IGF2BP3: variants seen among roughly 807,000 people sequenced by gnomAD.
IGF2BP3 encodes insulin-like growth factor 2 mRNA-binding protein 3.
Under a neutral mutation model 73.8 loss-of-function variants are expected in IGF2BP3, and 9 were observed. The observed-to-expected ratio is 0.12, with a 90% CI of 0.07 to 0.21. IGF2BP3 has a LOEUF of 0.21. Among genes scored for constraint, IGF2BP3 ranks in the 10% least tolerant of loss-of-function variants. The pLI, the probability that IGF2BP3 is intolerant of heterozygous loss-of-function variation, is 1.00. For missense variants in IGF2BP3, 542 were observed against 714.0 expected, an observed-to-expected ratio of 0.76 and a Z score of 2.75; for synonymous variants, 258 against 256.7, an observed-to-expected ratio of 1.01 and a Z score of -0.05.
At chr7:23,409,799 G>C (rs1355540446) in intron 3 of IGF2BP3, among the ~76,000 whole-genome samples, 1 of 152,176 alleles carries the variant, frequency 6.6e-6, no homozygotes, top group African/African-American at 2.4e-5. Context: ...TAGGCAAAAA[G>C]TTTTTAGACA....
intron 3 of IGF2BP3, chr7:23,415,301 C>T: frequency 8.1e-6 from 2 of 245,798 alleles, no homozygotes; most frequent in South Asian, 7.3e-5. Flanking sequence ...TCAGCATCAC[C>T]ACATCCGCAG....
At chr7:23,453,462 T>A (rs1212383037) in intron 2 of IGF2BP3, among the ~76,000 whole-genome samples, 4 of 152,228 alleles carry the variant, frequency 2.6e-5, no homozygotes, top group Non-Finnish European at 5.9e-5. Flanking sequence ...CTAAGAATTC[T>A]GTGTTTTACA....
rs546247748 is a variant in IGF2BP3 at position 23,336,796 on chromosome 7, A to AT, written c.1203+5267_1203+5268insA. Among the ~76,000 whole-genome samples, 72 of 152,286 alleles carry AT rather than the reference A, an allele frequency of 4.7e-4. 1 individual carries two copies. Among genetic ancestry groups the AT allele is most frequent in the African/African-American group, 1.5e-3 (62 of 41,556 alleles). On this transcript the variant is annotated intron_variant, in intron 10 of 14. Transcript: ENST00000258729. Reference sequence around the variant, plus strand: ...AACCCTGTCTCTAATAAAAATACAAAAATTAACCAGGCATGGTGCTGCGCA... The same window carrying AT: ...AACCCTGTCTCTAATAAAAATACAAATAATTAACCAGGCATGGTGCTGCGCA...
At chr7:23,435,078 G>A (rs539639694) in intron 2 of IGF2BP3, among the ~76,000 whole-genome samples, 4 of 151,890 alleles carry the variant, frequency 2.6e-5, no homozygotes, top group Admixed American at 6.6e-5. Flanking sequence ...GGTGGATCAC[G>A]AGGTCAGGAG....
chr7:23,444,140 G>T (rs1788002255), intron 2 of IGF2BP3, among the ~76,000 whole-genome samples: 1 of 152,102 alleles, frequency 6.6e-6, no homozygotes, highest in African/African-American at 2.4e-5. Context: ...GAGGTTTGGG[G>T]GTTTTGTTCT....
At chr7:23,374,756 C>T (rs1178878800) in intron 3 of IGF2BP3, among the ~76,000 whole-genome samples, 3 of 151,970 alleles carry the variant, frequency 2.0e-5, no homozygotes, top group Non-Finnish European at 2.9e-5. Context: ...AATTCACCCC[C>T]GATATTTCAC....
At chr7:23,400,050 G>C (rs767714467) in intron 3 of IGF2BP3, among the ~76,000 whole-genome samples, 2 of 152,124 alleles carry the variant, frequency 1.3e-5, no homozygotes, top group Non-Finnish European at 2.9e-5. Context: ...GGTATAAAAA[G>C]TTTGCATCCT....
chr7:23,325,379 C>T (rs1008479720), intron 10 of IGF2BP3, among the ~76,000 whole-genome samples: 11 of 152,080 alleles, frequency 7.2e-5, no homozygotes, highest in Admixed American at 7.2e-4. Context: ...TGTGACGGAC[C>T]TCTTCAAGGA....
Position 23,342,121 on chromosome 7 carries a change from C to G in IGF2BP3, c.1146G>C (p.Met382Ile), listed in dbSNP as rs1309817650. ...AAGGGGGCCCTGAGGTGGGAGGTGG[C>G]ATCCCTGAAGTGGGTGGGAACAGAC... ...ALGLFPPTSGMPPPTSGPPSA... is the reference protein window; with the variant it reads ...ALGLFPPTSGIPPPTSGPPSA... The change falls in exon 10 of 15, where the codon ATG (methionine) becomes ATC (isoleucine). Residue 382 changes from methionine to isoleucine, a missense_variant. Physicochemically the swap from Met to Ile is conservative, Grantham distance 10. Transcript: ENST00000258729. The G allele has an allele frequency of 6.2e-7, 1 of 1,609,666 alleles. No homozygotes were observed. Among genetic ancestry groups the G allele is most frequent in the Non-Finnish European group, 8.5e-7 (1 of 1,178,664 alleles).
intron 3 of IGF2BP3, chr7:23,415,173 CCGT>C (rs1787148592): frequency 4.3e-6 from 1 of 235,122 alleles, no homozygotes; most frequent in Non-Finnish European, 8.5e-6. Context: ...TCAGCAGGTC[CCGT>C]CCGTCAGTCG....
chr7:23,367,612 CAAAGT>C (rs1483274414), intron 3 of IGF2BP3, among the ~76,000 whole-genome samples: 1 of 151,986 alleles, frequency 6.6e-6, no homozygotes, highest in Admixed American at 6.6e-5. Context: ...GGTATAAATG[CAAAGT>C]AAAGCCTCAT....
intron 3 of IGF2BP3, among the ~76,000 whole-genome samples, chr7:23,383,561 T>C (rs1234809049): frequency 6.6e-6 from 1 of 152,336 alleles, no homozygotes; most frequent in African/African-American, 2.4e-5. Context: ...CCACTTTGGA[T>C]AACAGTCTGG....
chr7:23,386,638 A>G (rs1786091493), intron 3 of IGF2BP3, among the ~76,000 whole-genome samples: 1 of 152,258 alleles, frequency 6.6e-6, no homozygotes, highest in Non-Finnish European at 1.5e-5. Context: ...GAAATTCCAA[A>G]TAATTTATGT....
chr7:23,384,995 T>C (rs2128518811), intron 3 of IGF2BP3, among the ~76,000 whole-genome samples: 1 of 152,356 alleles, frequency 6.6e-6, no homozygotes, highest in Admixed American at 6.5e-5. Context: ...ATCAGGACCA[T>C]AACCCCATTA....
At chr7:23,342,290 A>C (rs1281767979) in intron 9 of IGF2BP3, 101 bp from the exon 10 acceptor site, 29 of 1,299,354 alleles carry the variant, frequency 2.2e-5, no homozygotes, top group Non-Finnish European at 3.0e-5. Context: ...TGTCTAATAA[A>C]GAAATGATTG....
rs771910177 is a variant in IGF2BP3 at position 23,468,516 on chromosome 7, T to C, written c.202A>G (p.Ile68Val). 6.8e-5 allele frequency: 110 copies of C among 1,614,118 alleles called. No individual in the cohort carries two copies. Among genetic ancestry groups the C allele is most frequent in the Non-Finnish European group, 8.7e-5 (103 of 1,180,042 alleles). Residue 68 changes from isoleucine to valine, a missense_variant, in exon 2 of 15, where the codon ATA becomes GTA. This residue lies in a region of IGF2BP3 where 239 missense variants were observed against 241.9 expected (regional missense o/e 0.99). Coordinates refer to ENST00000258729, the MANE Select transcript of IGF2BP3 (RefSeq NM_006547.3). ...TTTGGGACCGAGTGCTCAACTTCTA[T>C]GGGTTTCCCGTGCAGTTCTATTTTA... ...SGKIELHGKP[I>V]EVEHSVPKRQ... is the part of the protein sequence containing the mutation.
chr7:23,348,369 A>C (rs942348024), intron 6 of IGF2BP3, among the ~76,000 whole-genome samples: 1 of 152,210 alleles, frequency 6.6e-6, no homozygotes, highest in Non-Finnish European at 1.5e-5. Flanking sequence ...AAAGAATGTC[A>C]TTTTCTTCTA....
chr7:23,376,540 GAAAA>G (rs763360484), intron 3 of IGF2BP3, among the ~76,000 whole-genome samples: 3 of 88,696 alleles, frequency 3.4e-5, no homozygotes, highest in Non-Finnish European at 5.0e-5. Context: ...ATCTCCCAAA[GAAAA>G]AAAAAAAAAA....
At chr7:23,385,814 G>A (rs1053620412) in intron 3 of IGF2BP3, among the ~76,000 whole-genome samples, 5 of 151,922 alleles carry the variant, frequency 3.3e-5, no homozygotes, top group African/African-American at 9.7e-5. Flanking sequence ...TGAAGCAGTT[G>A]TCTTGCCTCT....
Sources: gnomAD v4.1 joint callset for allele counts (sites outside exome capture counted in the v4.1 genomes callset) on GRCh38, gnomAD v4.1.1 for gene constraint, gnomAD v4.1.1 regional missense constraint, MANE v1.5 for transcripts, NCBI Gene and HGNC (gene_info 2026-07-23, HGNC 2026-07-21) for gene names.